The following BTBD9 variants were observed in gnomAD, a reference collection of about 807,000 sequenced individuals.
The protein encoded by BTBD9 is BTB/POZ domain-containing protein 9.
In BTBD9, 49 loss-of-function variants were observed where a neutral mutation model predicts 64.3. The ratio of observed to expected loss-of-function variants is 0.76; its 90% CI spans 0.61 to 0.97. BTBD9 has a LOEUF of 0.97. Among genes scored for constraint, BTBD9 ranks in the 50% least tolerant of loss-of-function variants. The pLI, the probability that BTBD9 is intolerant of heterozygous loss-of-function variation, is 0.00. For missense variants in BTBD9, 598 were observed against 762.1 expected (o/e 0.78, Z 2.53); for synonymous variants, 260 against 274.7 (o/e 0.95, Z 0.53).
At chr6:38,617,629 A>C (rs1777835879) in intron 1 of BTBD9, among the ~76,000 whole-genome samples, 1 of 152,200 alleles carries the variant, frequency 6.6e-6, no homozygotes, top group Admixed American at 6.5e-5. Flanking sequence ...CCATTCCCAA[A>C]GCCAGGATAT....
At chr6:38,603,377 G>A (rs766645671) in intron 1 of BTBD9, among the ~76,000 whole-genome samples, 4 of 152,150 alleles carry the variant, frequency 2.6e-5, no homozygotes, top group Non-Finnish European at 5.9e-5. Flanking sequence ...AGTCCTGAGG[G>A]TTATTGCCTG....
intron 7 of BTBD9, among the ~76,000 whole-genome samples, chr6:38,303,840 G>GATATATATATATATATATATATAT (rs70981538): frequency 4.0e-5 from 3 of 75,320 alleles, no homozygotes; most frequent in Non-Finnish European, 6.0e-5. Flanking sequence ...TTAGTTGCTA[G>GATATATATATATATATATATATAT]ATATATATAT....
At chr6:38,587,063 CAA>C (rs35943182) in intron 4 of BTBD9, among the ~76,000 whole-genome samples, 28 of 122,606 alleles carry the variant, frequency 2.3e-4, no homozygotes, top group Non-Finnish European at 2.3e-4. Context: ...GACTCCATCT[CAA>C]AAAAAAAAAA....
chr6:38,445,647 T>C lies in BTBD9; in HGVS notation c.1155-100554A>G, dbSNP rs571720891. On this transcript the variant is annotated intron_variant, in intron 6 of 10. Coordinates refer to ENST00000481247, the MANE Select transcript of BTBD9 (RefSeq NM_001099272.2). ...TGTTAAAAAAATATTCTTTTTGGGT[T>C]ATCTGTATCATCACAGTTTTTTCAT... 8.6e-4 allele frequency among the ~76,000 whole-genome samples: 131 copies of C among 152,374 alleles called. 1 individual carries two copies. The highest frequency in any genetic ancestry group is 3.1e-3 in the African/African-American group (129 of 41,594).
At position 38,171,548 on chromosome 6, in the gene BTBD9, T is replaced by C. The variant is rs1766757630; in HGVS notation, c.*3437A>G. The C allele has an allele frequency of 8.3e-6, 1 of 119,948 alleles. No homozygotes were observed. Among genetic ancestry groups the C allele is most frequent in the Admixed American group, 1.0e-4 (1 of 9,900 alleles). The allele number at this position is 119,948 out of a possible 1,614,324, so 7.4% of individuals were successfully genotyped here. A position where few individuals can be genotyped will look rare whatever the true frequency, so the allele number is the denominator to read the frequency against. ...AGCAGAAAAAGCACTGAGAAAATGG[T>C]AAAACGGGTGTGTGTGTGTGTGTGT... On this transcript the variant is annotated 3_prime_UTR_variant, in exon 11 of 11. Transcript: ENST00000481247.
chr6:38,247,802 A>G (rs1764262369), intron 9 of BTBD9, among the ~76,000 whole-genome samples: 2 of 152,214 alleles, frequency 1.3e-5, no homozygotes, highest in South Asian at 4.1e-4. Context: ...CTGCTGGGAT[A>G]TTGCTATGTA....
intron 6 of BTBD9, among the ~76,000 whole-genome samples, chr6:38,369,488 C>T (rs534887997): frequency 6.6e-6 from 1 of 152,302 alleles, no homozygotes; most frequent in Middle Eastern, 3.4e-3. Flanking sequence ...TCACTCTAGA[C>T]GTTGTGCAGC....
chr6:38,380,718 G>A (rs893831612), intron 6 of BTBD9, among the ~76,000 whole-genome samples: 1 of 152,078 alleles, frequency 6.6e-6, no homozygotes, highest in Admixed American at 6.5e-5. Flanking sequence ...GGTAATGTGC[G>A]CCTGTAGTCC....
At chr6:38,346,904 C>T in intron 6 of BTBD9, among the ~76,000 whole-genome samples, 1 of 152,174 alleles carries the variant, frequency 6.6e-6, no homozygotes, top group East Asian at 1.9e-4. Context: ...GGAATTTGAT[C>T]AGATCATTTC....
Position 38,552,877 on chromosome 6 carries a change from G to A in BTBD9, c.1154+24723C>T, listed in dbSNP as rs375295448. ...ATATGTTTGTCCCTTTGTATGCATG[G>A]GGGATTGGTTCCAGGACCCCCAAAC... On this transcript the variant is annotated intron_variant, in intron 6 of 10. Coordinates refer to ENST00000481247, the MANE Select transcript of BTBD9 (RefSeq NM_001099272.2). 2.6e-5 allele frequency among the ~76,000 whole-genome samples: 4 copies of A among 152,130 alleles called. No individual in the cohort carries two copies. The South Asian group carries it at 8.3e-4, about 32-fold the overall frequency.
At chr6:38,258,707 A>G (rs2127536584) in intron 8 of BTBD9, among the ~76,000 whole-genome samples, 1 of 152,240 alleles carries the variant, frequency 6.6e-6, no homozygotes, top group African/African-American at 2.4e-5. Context: ...TGGCTAACAC[A>G]GTGAAACGCC....
chr6:38,243,788 T>C (rs898359209), intron 9 of BTBD9, among the ~76,000 whole-genome samples: 1 of 152,150 alleles, frequency 6.6e-6, no homozygotes, highest in Admixed American at 6.5e-5. Flanking sequence ...ATGGAAAATA[T>C]GAATGAAAGA....
rs117968080 is a variant in BTBD9, at chr6:38,253,191, G to C, written c.1562+3218C>G. 4.8e-3 allele frequency among the ~76,000 whole-genome samples: 733 copies of C among 152,264 alleles called. 8 individuals carry two copies. Among genetic ancestry groups the C allele is most frequent in the East Asian group, 0.031 (160 of 5,180 alleles). On this transcript the variant is annotated intron_variant, in intron 9 of 10. Transcript: ENST00000481247. ...TTTGTGTTAGTCCGTTTTCATACTA[G>C]TATAAAGAAATATCCAAGACTGAGT...
chr6:38,604,123 A>T (rs1170145875), intron 1 of BTBD9, among the ~76,000 whole-genome samples: 1 of 152,126 alleles, frequency 6.6e-6, no homozygotes, highest in Non-Finnish European at 1.5e-5. Flanking sequence ...CCCAATTCTA[A>T]ACCTTGCAGA....
intron 7 of BTBD9, among the ~76,000 whole-genome samples, chr6:38,316,871 A>G (rs1307667883): frequency 6.6e-6 from 1 of 152,238 alleles, no homozygotes; most frequent in Non-Finnish European, 1.5e-5. Flanking sequence ...CTTGTAGGAC[A>G]GGTCTAGTGT....
At chr6:38,634,956 T>G (rs990542813) in intron 1 of BTBD9, among the ~76,000 whole-genome samples, 9 of 152,310 alleles carry the variant, frequency 5.9e-5, no homozygotes, top group Admixed American at 4.6e-4. Flanking sequence ...TCCATACACT[T>G]CAACCACTTT....
chr6:38,517,234 A>G (rs754491169), intron 6 of BTBD9, among the ~76,000 whole-genome samples: 2 of 152,200 alleles, frequency 1.3e-5, no homozygotes, highest in Non-Finnish European at 2.9e-5. Flanking sequence ...AAAGTAAACC[A>G]GTTCATAAGG....
intron 9 of BTBD9, among the ~76,000 whole-genome samples, chr6:38,210,641 T>A (rs1762804662): frequency 6.6e-6 from 1 of 151,996 alleles, no homozygotes; most frequent in Admixed American, 6.6e-5. Context: ...ATCAAATTAG[T>A]CTATGAAGCA....
chr6:38,536,103 G>T (rs1414216449), intron 6 of BTBD9, among the ~76,000 whole-genome samples: 1 of 151,988 alleles, frequency 6.6e-6, no homozygotes, highest in Non-Finnish European at 1.5e-5. Context: ...CATCTGACAA[G>T]CAATTAATAA....
Sources: allele counts gnomAD v4.1 joint callset (sites outside exome capture counted in the v4.1 genomes callset), GRCh38; gene constraint gnomAD v4.1.1; transcripts MANE v1.5; gene names NCBI Gene and HGNC (gene_info 2026-07-23, HGNC 2026-07-21).